The following DDX46 variants were observed in gnomAD, a reference collection of about 807,000 sequenced individuals.
The protein encoded by DDX46 is DEAD-box helicase 46.
DDX46 carries 30 observed loss-of-function variants against 134.9 expected under a neutral mutation model. That is an observed-to-expected ratio of 0.22 (90% confidence interval 0.17 to 0.30). The LOEUF is 0.30. Ranked by LOEUF, DDX46 falls within the 10% of genes least tolerant of loss-of-function variation. The pLI, the probability that DDX46 is intolerant of heterozygous loss-of-function variation, is 1.00. For synonymous variants in DDX46, 415 were observed against 404.1 expected, an observed-to-expected ratio of 1.03 and a Z score of -0.32; for missense variants, 622 against 1,248.7, an observed-to-expected ratio of 0.50 and a Z score of 7.56.
intron 22 of DDX46, among the ~76,000 whole-genome samples, chr5:134,828,453 A>G (rs1293537191): frequency 6.6e-6 from 1 of 152,220 alleles, no homozygotes; most frequent in African/African-American, 2.4e-5. Flanking sequence ...CAGAGAATTC[A>G]TTAGTTATTG....
chr5:134,791,261 A>G (rs892319532), intron 13 of DDX46, among the ~76,000 whole-genome samples: 2 of 152,176 alleles, frequency 1.3e-5, no homozygotes, highest in Non-Finnish European at 2.9e-5. Flanking sequence ...TTAGGTTTTT[A>G]TGTTCCTTAT....
At chr5:134,769,228 T>C (rs1251184079) in intron 3 of DDX46, among the ~76,000 whole-genome samples, 2 of 152,104 alleles carry the variant, frequency 1.3e-5, no homozygotes, top group African/African-American at 4.8e-5. Flanking sequence ...ATATTGTTTG[T>C]ATGTAGTATG....
chr5:134,810,273 G>A (rs1191765619), intron 16 of DDX46, among the ~76,000 whole-genome samples: 1 of 150,050 alleles, frequency 6.7e-6, no homozygotes, highest in Non-Finnish European at 1.5e-5. Flanking sequence ...AAAAAAAAAA[G>A]GAAAAACAAA....
intron 3 of DDX46, among the ~76,000 whole-genome samples, chr5:134,769,809 A>C (rs1753703638): frequency 6.6e-6 from 1 of 151,904 alleles, no homozygotes; most frequent in Non-Finnish European, 1.5e-5. Context: ...GGCCTCACAG[A>C]GTGCTGGGAT....
Position 134,795,056 on chromosome 5 carries a change from T to A in DDX46, c.1791+42T>A. On this transcript the variant is annotated intron_variant, in intron 14 of 22. Coordinates refer to ENST00000452510, the MANE Select transcript of DDX46 (RefSeq NM_001300860.2). ...GGAAATTCCCAGTTTCCTTGATACT[T>A]AGGTGGTATGTATGATTCTTCTATG... 1.9e-6 allele frequency: 3 copies of A among 1,606,698 alleles called. No individual in the cohort carries two copies. The African/African-American group carries it at 4.0e-5, about 22-fold the overall frequency.
At chr5:134,810,385 C>T (rs1755108720) in intron 16 of DDX46, among the ~76,000 whole-genome samples, 2 of 151,160 alleles carry the variant, frequency 1.3e-5, no homozygotes. Context: ...GTCACCCAGA[C>T]TGGAGTGCAT....
chr5:134,766,948 C>T lies in DDX46; in HGVS notation c.238C>T (p.Arg80Ter). The part of the protein sequence containing the change: ...RSRSRERDRS[R>*]ERRRSRSRDR... ...CAGAAGTAGAGAGAGAGACAGAAGC[C>T]GAGAGCGAAGAAGATCTCGAAGTAG... is the stretch of plus-strand genomic sequence containing the variant. Residue 80 changes from arginine to a stop codon, truncating the protein, a stop_gained, in exon 3 of 23, where the codon CGA becomes TGA. Coordinates refer to ENST00000452510, the MANE Select transcript of DDX46 (RefSeq NM_001300860.2). LOFTEE classifies it high-confidence loss of function. 1 of 1,613,868 alleles carries T rather than the reference C, an allele frequency of 6.2e-7. No individual in the cohort carries two copies. Among genetic ancestry groups the T allele is most frequent in the Non-Finnish European group, 8.5e-7 (1 of 1,179,936 alleles).
intron 1 of DDX46, among the ~76,000 whole-genome samples, chr5:134,759,686 A>T (rs1272945525): frequency 6.6e-6 from 1 of 152,344 alleles, no homozygotes; most frequent in Admixed American, 6.5e-5. Context: ...ATGTCTAGGA[A>T]CAATGAAGGC....
chr5:134,766,869 A>G, intron 2 of DDX46, 48 bp from the exon 3 acceptor site: 1 of 1,574,820 alleles, frequency 6.3e-7, no homozygotes, highest in East Asian at 2.3e-5. Context: ...GATCTGAAAT[A>G]GTAGCTCCAT....
rs966887887 is a variant in DDX46 at position 134,768,152 on chromosome 5, C to T, written c.350+1092C>T. The stretch of plus-strand genomic sequence containing the variant: ...ACAGCCAAAGTCTCGTTCTGTTGCC[C>T]TGGCTGGAATGCAGTGGTGCAATCT... On this transcript the variant is annotated intron_variant, in intron 3 of 22. Coordinates refer to ENST00000452510, the MANE Select transcript of DDX46 (RefSeq NM_001300860.2). Among the ~76,000 whole-genome samples the T allele has an allele frequency of 7.9e-5, 12 of 151,128 alleles. No individual in the cohort carries two copies. The East Asian group carries it at 2.0e-3, about 25-fold the overall frequency.
chr5:134,827,020 G>A lies in DDX46; in HGVS notation c.3051G>A (p.Leu1017=). The part of the protein sequence containing the change: ...TRLIKEELIR[L]QNSYQPTNKG... ...TCATAAAAGAAGAGCTGATCCGGCT[G>A]GTGAGTGAAAACCTTAAAGTTTCGT... The change falls in exon 22 of 23, where the codon CTG becomes CTA. Residue 1017 remains leucine, a splice_region_variant and synonymous_variant. Transcript: ENST00000452510. 6.2e-7 allele frequency: 1 copy of A among 1,611,254 alleles called. No individual in the cohort carries two copies. Among genetic ancestry groups the A allele is most frequent in the South Asian group, 1.1e-5 (1 of 90,382 alleles).
intron 15 of DDX46, among the ~76,000 whole-genome samples, chr5:134,798,509 T>A (rs1754735426): frequency 6.6e-6 from 1 of 152,214 alleles, no homozygotes; most frequent in Admixed American, 6.5e-5. Context: ...GGCCTTAGAA[T>A]GTACCATTTT....
intron 17 of DDX46, 153 bp downstream of exon 17, chr5:134,811,511 T>A: frequency 8.3e-7 from 1 of 1,207,256 alleles, no homozygotes; most frequent in Non-Finnish European, 1.1e-6. Context: ...AAAGCTAAAA[T>A]CCTATCTTAT....
intron 13 of DDX46, among the ~76,000 whole-genome samples, chr5:134,792,116 G>T (rs144377363): frequency 6.6e-6 from 1 of 152,154 alleles, no homozygotes; most frequent in Non-Finnish European, 1.5e-5. Context: ...GGCACAGGGT[G>T]TAGGGAGCCG....
At chr5:134,779,534 GGGT>G (rs1167223408) in intron 6 of DDX46, among the ~76,000 whole-genome samples, 32 of 152,110 alleles carry the variant, frequency 2.1e-4, no homozygotes, top group African/African-American at 7.0e-4. Flanking sequence ...TTTAGAGACA[GGGT>G]CTCGCTGTGT....
rs1342575930 is a variant in DDX46, at chr5:134,784,560, A to G, written c.1342+19A>G. Reference sequence around the variant, plus strand: ...CCAATAGGTACAATTCTTTTCATTAAACTATTTTTCAAATAACAGCTTTGT... The same window carrying G: ...CCAATAGGTACAATTCTTTTCATTAGACTATTTTTCAAATAACAGCTTTGT... On this transcript the variant is annotated intron_variant, in intron 10 of 22. Transcript: ENST00000452510. 3.2e-6 allele frequency: 5 copies of G among 1,561,296 alleles called. No individual in the cohort carries two copies. Among genetic ancestry groups the G allele is most frequent in the African/African-American group, 1.4e-5 (1 of 72,766 alleles).
At chr5:134,827,156 C>G (rs1755612599) in intron 22 of DDX46, 136 bp downstream of exon 22, 2 of 740,440 alleles carry the variant, frequency 2.7e-6, no homozygotes, top group African/African-American at 3.6e-5. Context: ...CCAGTGTAGT[C>G]ACTACCCAGA....
chr5:134,760,423 T>C (rs1285638900), intron 1 of DDX46, among the ~76,000 whole-genome samples: 1 of 152,106 alleles, frequency 6.6e-6, no homozygotes, highest in Non-Finnish European at 1.5e-5. Context: ...TTTTGAGAAG[T>C]AGTAGGAGGT....
At chr5:134,763,269 C>T (rs762671545) in intron 1 of DDX46, among the ~76,000 whole-genome samples, 1 of 152,100 alleles carries the variant, frequency 6.6e-6, no homozygotes, top group African/African-American at 2.4e-5. Flanking sequence ...GGTTGTGTCA[C>T]TCCTCTGCTT....
Sources: allele counts gnomAD v4.1 joint callset (sites outside exome capture counted in the v4.1 genomes callset), GRCh38; gene constraint gnomAD v4.1.1; transcripts MANE v1.5; gene names NCBI Gene and HGNC (gene_info 2026-07-23, HGNC 2026-07-21).